LRMDA: variants seen among roughly 807,000 people sequenced by gnomAD.
The protein encoded by LRMDA is leucine rich melanocyte differentiation associated.
A neutral mutation model predicts 29.8 loss-of-function variants in LRMDA; 18 were observed. The ratio of observed to expected loss-of-function variants is 0.60; its 90% confidence interval spans 0.42 to 0.90. LRMDA has a LOEUF of 0.90. Ranked by LOEUF, LRMDA falls within the 40% of genes least tolerant of loss-of-function variation. LRMDA has a pLI of 0.00. For synonymous variants in LRMDA, 125 were observed against 109.4 expected (o/e 1.14, Z -0.89); for missense variants, 273 against 273.9 (o/e 1.00, Z 0.02).
In LRMDA at chr10:76,321,522, TAAA is replaced by T. The variant is rs1325926421; in HGVS notation, c.517-2878_517-2876del. 3.8e-3 allele frequency among the ~76,000 whole-genome samples: 543 copies of T among 142,534 alleles called. 3 individuals carry two copies. The highest frequency in any genetic ancestry group is 2.4e-3 in the Non-Finnish European group (165 of 67,378). 93.5% of individuals were successfully genotyped at this position (142,534 alleles called of 152,430 possible). ...TCCTTTGTCTATTTTTCTATTGATT[TAAA>T]GACATTCTTTTTTTTTTTTTAAATT... On this transcript the variant is annotated intron_variant, in intron 5 of 6. Transcript: ENST00000611255.
intron 2 of LRMDA, among the ~76,000 whole-genome samples, chr10:76,027,021 T>C (rs1349027173): frequency 1.3e-5 from 2 of 152,244 alleles, no homozygotes; most frequent in Admixed American, 1.3e-4. Flanking sequence ...GATTCTGCAT[T>C]CTGGAACCCT....
intron 5 of LRMDA, among the ~76,000 whole-genome samples, chr10:76,282,009 G>T (rs1271211876): frequency 6.6e-6 from 1 of 152,090 alleles, no homozygotes; most frequent in Non-Finnish European, 1.5e-5. Flanking sequence ...TTTGGTGAAA[G>T]AAATGCATAT....
At chr10:75,853,690 A>G (rs1323865145) in intron 2 of LRMDA, among the ~76,000 whole-genome samples, 1 of 152,186 alleles carries the variant, frequency 6.6e-6, no homozygotes, top group Non-Finnish European at 1.5e-5. Context: ...ATTGAATACC[A>G]AATGCAAAGA....
At chr10:75,586,674 A>T (rs578063309) in intron 2 of LRMDA, among the ~76,000 whole-genome samples, 57 of 152,058 alleles carry the variant, frequency 3.7e-4, no homozygotes, top group African/African-American at 1.2e-3. Context: ...CCATCCTGAC[A>T]GGTATGAGGT....
At chr10:76,022,260 C>T (rs940221061) in intron 2 of LRMDA, among the ~76,000 whole-genome samples, 1 of 151,912 alleles carries the variant, frequency 6.6e-6, no homozygotes. Context: ...CATAGGAGGC[C>T]TCAAATTAAA....
At position 75,590,019 on chromosome 10, in the gene LRMDA, GAT is replaced by G. The variant is rs1491407398; in HGVS notation, c.131+151526_131+151527del. On this transcript the variant is annotated intron_variant, in intron 2 of 6. Transcript: ENST00000611255. ...AAATTTTGCTTTATCTGAAGATGAT[GAT>G]TTTTTTTTTTTTTTTGAAGATAGGG... Among the ~76,000 whole-genome samples, 16 of 107,714 alleles carry G rather than the reference GAT, an allele frequency of 1.5e-4. No individual in the cohort carries two copies. The East Asian group carries it at 3.6e-3, about 24-fold the overall frequency. The allele number at this position is 107,714 out of a possible 152,430, so 70.7% of individuals were successfully genotyped here.
At chr10:75,461,856 G>A (rs2132038504) in intron 2 of LRMDA, among the ~76,000 whole-genome samples, 1 of 152,334 alleles carries the variant, frequency 6.6e-6, no homozygotes, top group South Asian at 2.1e-4. Context: ...GGTCTTTGTC[G>A]AAGGGGGCAT....
At chr10:75,808,760 G>A (rs536737027) in intron 2 of LRMDA, among the ~76,000 whole-genome samples, 15 of 152,188 alleles carry the variant, frequency 9.9e-5, no homozygotes, top group African/African-American at 3.6e-4. Flanking sequence ...CGCCCACCTC[G>A]GCCTCCCAAA....
chr10:75,689,951 TA>T lies in LRMDA; in HGVS notation c.131+251460del, dbSNP rs201398327. 3.6e-3 allele frequency among the ~76,000 whole-genome samples: 544 copies of T among 151,060 alleles called. 3 individuals are homozygous for T. The highest frequency in any genetic ancestry group is 0.012 in the African/African-American group (508 of 41,514). The stretch of plus-strand genomic sequence containing the variant: ...TGGACTAGATTGGTGGCTTTGGTTG[TA>T]AATTTTTTTTTTTGACTGTGAATAA... On this transcript the variant is annotated intron_variant, in intron 2 of 6. Transcript: ENST00000611255.
intron 2 of LRMDA, chr10:75,552,621 T>A (rs1354857219): frequency 4.7e-6 from 2 of 426,924 alleles, no homozygotes; most frequent in Non-Finnish European, 9.5e-6. Flanking sequence ...TCTTTTTAAT[T>A]AATTTTGGAA....
At chr10:75,475,386 G>T (rs1245286145) in intron 2 of LRMDA, among the ~76,000 whole-genome samples, 1 of 125,182 alleles carries the variant, frequency 8.0e-6, no homozygotes, top group African/African-American at 4.1e-5. Flanking sequence ...AGTCGTGCAG[G>T]AGTCAGGGGC....
chr10:76,080,045 C>G (rs370046980), intron 5 of LRMDA, among the ~76,000 whole-genome samples: 6 of 152,276 alleles, frequency 3.9e-5, no homozygotes, highest in South Asian at 2.1e-4. Flanking sequence ...GTGTATGTCT[C>G]AAGTTCTTCT....
At chr10:75,982,602 A>C (rs1847192351) in intron 2 of LRMDA, among the ~76,000 whole-genome samples, 1 of 152,224 alleles carries the variant, frequency 6.6e-6, no homozygotes. Context: ...CTAAAGGTGA[A>C]GCTGGCCTTA....
chr10:76,209,908 G>A (rs567158799), intron 5 of LRMDA, among the ~76,000 whole-genome samples: 22 of 152,332 alleles, frequency 1.4e-4, no homozygotes, highest in African/African-American at 5.3e-4. Flanking sequence ...ATTTTCCACT[G>A]TAGCTATCTA....
intron 2 of LRMDA, among the ~76,000 whole-genome samples, chr10:76,025,977 A>G (rs886730685): frequency 6.6e-6 from 1 of 152,222 alleles, no homozygotes; most frequent in Non-Finnish European, 1.5e-5. Context: ...ATTTTTATAA[A>G]TGAATGAATG....
chr10:76,504,377 T>C (rs1589217400), intron 6 of LRMDA, among the ~76,000 whole-genome samples: 1 of 152,000 alleles, frequency 6.6e-6, no homozygotes, highest in South Asian at 2.1e-4. Flanking sequence ...AAATCCATAA[T>C]TTTTTTGTTC....
At chr10:75,518,464 C>A (rs577659905) in intron 2 of LRMDA, among the ~76,000 whole-genome samples, 2 of 152,248 alleles carry the variant, frequency 1.3e-5, no homozygotes, top group South Asian at 2.1e-4. Context: ...TCCATTTCTT[C>A]TAGATTTTCT....
chr10:76,400,963 A>G (rs1260102325), intron 6 of LRMDA, among the ~76,000 whole-genome samples: 1 of 152,190 alleles, frequency 6.6e-6, no homozygotes, highest in Non-Finnish European at 1.5e-5. Context: ...CCTGTTGAGC[A>G]TCCCCAGTCT....
intron 2 of LRMDA, among the ~76,000 whole-genome samples, chr10:75,508,629 T>A (rs1845193486): frequency 6.6e-6 from 1 of 152,204 alleles, no homozygotes; most frequent in Non-Finnish European, 1.5e-5. Flanking sequence ...ATTATAGCAA[T>A]ATGACTTTCC....
Sources: gnomAD v4.1 joint callset for allele counts (sites outside exome capture counted in the v4.1 genomes callset) on GRCh38, gnomAD v4.1.1 for gene constraint, MANE v1.5 for transcripts, NCBI Gene and HGNC (gene_info 2026-07-23, HGNC 2026-07-21) for gene names.